Variants in UBE3A observed in about 807,000 individuals in gnomAD.
UBE3A encodes the protein ubiquitin-protein ligase E3A.
UBE3A carries 6 observed loss-of-function variants against 83.4 expected under a neutral mutation model. That is an observed-to-expected ratio of 0.07 (90% CI 0.04 to 0.14). The LOEUF is 0.14. UBE3A is among the 10% of genes least tolerant of loss of function. UBE3A has a pLI of 1.00. For synonymous variants in UBE3A, 337 were observed against 355.4 expected, an observed-to-expected ratio of 0.95 and a Z score of 0.58; for missense variants, 456 against 1,036.1, an observed-to-expected ratio of 0.44 and a Z score of 7.69.
At chr15:25,428,330 A>G (rs1202974718) in intron 1 of UBE3A, among the ~76,000 whole-genome samples, 1 of 152,214 alleles carries the variant, frequency 6.6e-6, no homozygotes, top group Non-Finnish European at 1.5e-5. Flanking sequence ...AAATGCAAAT[A>G]ACAAAGAGTA....
intron 1 of UBE3A, among the ~76,000 whole-genome samples, chr15:25,436,453 G>A (rs963448726): frequency 3.3e-5 from 5 of 152,286 alleles, no homozygotes; most frequent in African/African-American, 1.2e-4. Flanking sequence ...AGCTTGGGAT[G>A]AAAAATTTTG....
intron 8 of UBE3A, 108 bp from the exon 9 acceptor site, chr15:25,356,164 G>T (rs1225483823): frequency 7.3e-7 from 1 of 1,372,394 alleles, no homozygotes; most frequent in Non-Finnish European, 1.0e-6. Context: ...AATAAAAATT[G>T]TAAAAAGTGT....
chr15:25,420,776 A>T (rs768050060), intron 1 of UBE3A: 1 of 152,216 alleles, frequency 6.6e-6, no homozygotes, highest in South Asian at 2.1e-4. Flanking sequence ...ACATACAATT[A>T]CCACATGACC....
chr15:25,348,369 A>G (rs2076031373), intron 11 of UBE3A, among the ~76,000 whole-genome samples: 1 of 152,234 alleles, frequency 6.6e-6, no homozygotes, highest in South Asian at 2.1e-4. Context: ...TTTTAATCCC[A>G]GAGAAATACA....
intron 1 of UBE3A, among the ~76,000 whole-genome samples, chr15:25,417,531 GA>G: frequency 6.6e-6 from 1 of 151,970 alleles, no homozygotes; most frequent in Middle Eastern, 3.4e-3. Context: ...AAAAATTCAA[GA>G]AATCAATAAG....
At chr15:25,420,734 G>C (rs189951560) in intron 1 of UBE3A, 1 of 152,096 alleles carries the variant, frequency 6.6e-6, no homozygotes, top group African/African-American at 2.4e-5. Flanking sequence ...AGTCACTGTG[G>C]AAAACAGTAT....
intron 1 of UBE3A, among the ~76,000 whole-genome samples, chr15:25,421,085 T>C (rs764278915): frequency 3.3e-5 from 5 of 152,194 alleles, no homozygotes; most frequent in African/African-American, 4.8e-5. Flanking sequence ...TCCCCAATGT[T>C]GGGGGTGGGG....
At chr15:25,436,551 G>A (rs993093698) in intron 1 of UBE3A, among the ~76,000 whole-genome samples, 12 of 152,110 alleles carry the variant, frequency 7.9e-5, no homozygotes, top group African/African-American at 2.9e-4. Context: ...TTTTTTTGGA[G>A]GGGAGAGGGA....
chr15:25,351,959 C>T lies in UBE3A; in HGVS notation c.2354+2394G>A, dbSNP rs568711525. 1.6e-4 allele frequency among the ~76,000 whole-genome samples: 25 copies of T among 151,894 alleles called. No homozygotes were observed. In the South Asian group the frequency reaches 3.6e-3, roughly 22 times the overall value. The stretch of plus-strand genomic sequence containing the variant: ...CTGTAATCCCAGCACTTTGGGAGGC[C>T]GAGGCGGGCGGATCACCAGAGGTCA... On this transcript the variant is annotated intron_variant, in intron 11 of 12. Coordinates refer to ENST00000648336, the MANE Select transcript of UBE3A (RefSeq NM_130839.5).
At chr15:25,364,538 A>G in intron 6 of UBE3A, among the ~76,000 whole-genome samples, 1 of 152,132 alleles carries the variant, frequency 6.6e-6, no homozygotes, top group African/African-American at 2.4e-5. Context: ...GCATTAGGAT[A>G]TTTGAAATTT....
At chr15:25,376,992 A>T (rs528619383) in intron 4 of UBE3A, among the ~76,000 whole-genome samples, 35 of 152,330 alleles carry the variant, frequency 2.3e-4, no homozygotes, top group Admixed American at 2.0e-3. Flanking sequence ...GATCCAAAGA[A>T]ACATAAGTCA....
intron 1 of UBE3A, among the ~76,000 whole-genome samples, chr15:25,413,208 T>C (rs529861757): frequency 6.6e-6 from 1 of 152,284 alleles, no homozygotes; most frequent in African/African-American, 2.4e-5. Context: ...ACTTTATCTC[T>C]TCAACAGAGG....
At chr15:25,426,743 C>T (rs1207546319) in intron 1 of UBE3A, among the ~76,000 whole-genome samples, 1 of 152,110 alleles carries the variant, frequency 6.6e-6, no homozygotes, top group Non-Finnish European at 1.5e-5. Context: ...AAAAACCATA[C>T]GTACTTAACA....
rs984665964 is a variant in UBE3A, at chr15:25,370,414, C to A, written c.1608+152G>T. On this transcript the variant is annotated intron_variant, in intron 6 of 12. Coordinates refer to ENST00000648336, the MANE Select transcript of UBE3A (RefSeq NM_130839.5). The surrounding 1 kb of genome is among the most constrained non-coding windows in gnomAD (Gnocchi z 4.2). ...ACACATCTATAAACTTGCACAGGAA[C>A]AACAAAAGTATAATACTTATATAAG... 8 of 919,310 alleles carry A rather than the reference C, an allele frequency of 8.7e-6. No homozygotes were observed. In the African/African-American group the frequency reaches 1.2e-4, roughly 13 times the overall value. The allele number at this position is 919,310 out of a possible 1,614,324, so 56.9% of individuals were successfully genotyped here.
chr15:25,357,507 C>T (rs1345264638), intron 7 of UBE3A: 1 of 152,228 alleles, frequency 6.6e-6, no homozygotes, highest in East Asian at 1.9e-4. Context: ...CACCACCACG[C>T]CAGCTAATTT....
chr15:25,418,810 T>C (rs1888264960), intron 1 of UBE3A: 1 of 152,090 alleles, frequency 6.6e-6, no homozygotes, highest in African/African-American at 2.4e-5. Context: ...ATGGCCCTTC[T>C]CCTTGAATCT....
At chr15:25,425,605 T>A (rs1891090619) in intron 1 of UBE3A, among the ~76,000 whole-genome samples, 1 of 152,146 alleles carries the variant, frequency 6.6e-6, no homozygotes, top group Admixed American at 6.5e-5. Context: ...TTCCAGGCAT[T>A]TTTTTCCCTC....
chr15:25,380,183 T>C (rs570526597), intron 4 of UBE3A, among the ~76,000 whole-genome samples: 15 of 152,288 alleles, frequency 9.8e-5, no homozygotes, highest in Admixed American at 2.6e-4. Flanking sequence ...TCTTTCACCT[T>C]TCGCCATGAT....
intron 4 of UBE3A, 63 bp downstream of exon 4, chr15:25,405,398 T>C: frequency 6.5e-7 from 1 of 1,531,572 alleles, no homozygotes; most frequent in Non-Finnish European, 9.0e-7. Context: ...TAATGTGACG[T>C]AATTTAAAGC....
Sources: gnomAD v4.1 joint callset for allele counts (sites outside exome capture counted in the v4.1 genomes callset) on GRCh38, gnomAD v4.1.1 for gene constraint, Gnocchi (gnomAD v3.1) non-coding constraint, MANE v1.5 for transcripts, NCBI Gene and HGNC (gene_info 2026-07-23, HGNC 2026-07-21) for gene names.